SMYD3: variants seen among roughly 807,000 people sequenced by gnomAD.
The protein encoded by SMYD3 is histone-lysine N-methyltransferase SMYD3.
A neutral mutation model predicts 57.7 loss-of-function variants in SMYD3; 36 were observed. That is an observed-to-expected ratio of 0.62 (90% CI 0.48 to 0.82). SMYD3 has a LOEUF of 0.82. Among genes scored for constraint, SMYD3 ranks in the 40% least tolerant of loss-of-function variants. SMYD3 has a pLI of 0.00. For synonymous variants in SMYD3, 211 were observed against 195.0 expected (o/e 1.08, Z -0.68); for missense variants, 515 against 538.8 (o/e 0.96, Z 0.44).
chr1:246,479,205 C>T (rs2068071581), intron 1 of SMYD3, among the ~76,000 whole-genome samples: 1 of 152,308 alleles, frequency 6.6e-6, no homozygotes, highest in South Asian at 2.1e-4. Flanking sequence ...ATAGTTACAC[C>T]TGTCCTCTGT....
At chr1:245,786,547 C>T (rs2047056320) in intron 10 of SMYD3, among the ~76,000 whole-genome samples, 1 of 152,048 alleles carries the variant, frequency 6.6e-6, no homozygotes, top group African/African-American at 2.4e-5. Flanking sequence ...CTGAACCTCA[C>T]CTAACAGTCA....
intron 5 of SMYD3, among the ~76,000 whole-genome samples, chr1:246,069,960 C>A (rs1022538626): frequency 2.6e-5 from 4 of 152,134 alleles, no homozygotes; most frequent in Non-Finnish European, 5.9e-5. Flanking sequence ...TCAATTGCCC[C>A]CTTCCCTCTC....
At chr1:246,010,744 T>A (rs952559588) in intron 5 of SMYD3, among the ~76,000 whole-genome samples, 8 of 152,258 alleles carry the variant, frequency 5.3e-5, no homozygotes, top group African/African-American at 1.9e-4. Flanking sequence ...TTGTTCCATA[T>A]GTAGCTGTTA....
intron 5 of SMYD3, among the ~76,000 whole-genome samples, chr1:246,199,091 A>G (rs1379009747): frequency 2.6e-5 from 4 of 151,770 alleles, no homozygotes; most frequent in Admixed American, 6.6e-5. Flanking sequence ...CCTAGTACCC[A>G]ATGGGTAGTT....
At chr1:246,130,759 G>T (rs1470930307) in intron 5 of SMYD3, among the ~76,000 whole-genome samples, 1 of 152,084 alleles carries the variant, frequency 6.6e-6, no homozygotes, top group Non-Finnish European at 1.5e-5. Flanking sequence ...TATTGCACTG[G>T]CTTGAGAGTT....
intron 5 of SMYD3, among the ~76,000 whole-genome samples, chr1:246,293,014 G>T (rs969779137): frequency 6.6e-6 from 1 of 151,982 alleles, no homozygotes; most frequent in Admixed American, 6.6e-5. Flanking sequence ...TATTTGGTGG[G>T]TAAATGTATC....
At chr1:246,462,552 A>T (rs1290268976) in intron 1 of SMYD3, among the ~76,000 whole-genome samples, 1 of 152,118 alleles carries the variant, frequency 6.6e-6, no homozygotes, top group Non-Finnish European at 1.5e-5. Context: ...AGATCACCCC[A>T]TCTCTGGGCG....
At chr1:245,971,227 C>G (rs1450246788) in intron 5 of SMYD3, among the ~76,000 whole-genome samples, 1 of 152,186 alleles carries the variant, frequency 6.6e-6, no homozygotes, top group South Asian at 2.1e-4. Flanking sequence ...TGTTCTCACT[C>G]TTAAGTGGGA....
chr1:246,101,440 C>A (rs955487858), intron 5 of SMYD3, among the ~76,000 whole-genome samples: 5 of 152,148 alleles, frequency 3.3e-5, no homozygotes, highest in African/African-American at 1.2e-4. Context: ...CAATCTCTGC[C>A]AATCCCCATC....
intron 10 of SMYD3, among the ~76,000 whole-genome samples, chr1:245,822,721 C>A (rs1002849760): frequency 2.0e-5 from 3 of 152,174 alleles, no homozygotes; most frequent in Admixed American, 6.5e-5. Context: ...TCCCACCAAC[C>A]TCTCATCCAG....
chr1:246,089,346 TA>T (rs1297213908), intron 5 of SMYD3, among the ~76,000 whole-genome samples: 1 of 152,178 alleles, frequency 6.6e-6, no homozygotes. Context: ...CTTTCTCCTA[TA>T]ACCAAAACAT....
intron 11 of SMYD3, among the ~76,000 whole-genome samples, chr1:245,751,268 G>A (rs904627749): frequency 6.6e-6 from 1 of 152,170 alleles, no homozygotes; most frequent in African/African-American, 2.4e-5. Context: ...GAATTCTTGA[G>A]CATGAACATC....
intron 1 of SMYD3, among the ~76,000 whole-genome samples, chr1:246,482,717 G>A (rs1348135917): frequency 6.6e-6 from 1 of 152,082 alleles, no homozygotes; most frequent in Non-Finnish European, 1.5e-5. Flanking sequence ...TAAAACTAAG[G>A]TAACAAGTTC....
intron 5 of SMYD3, among the ~76,000 whole-genome samples, chr1:245,931,704 A>G (rs2056731522): frequency 6.6e-6 from 1 of 152,186 alleles, no homozygotes; most frequent in Non-Finnish European, 1.5e-5. Context: ...GACTTGTTAT[A>G]AAGTTTCTGT....
chr1:245,945,476 T>C (rs2057401517), intron 5 of SMYD3, among the ~76,000 whole-genome samples: 1 of 152,196 alleles, frequency 6.6e-6, no homozygotes, highest in Non-Finnish European at 1.5e-5. Flanking sequence ...CAACAGATGC[T>C]GGCAAGGCTG....
intron 1 of SMYD3, among the ~76,000 whole-genome samples, chr1:246,481,808 G>T (rs559086198): frequency 6.7e-6 from 1 of 149,624 alleles, no homozygotes; most frequent in African/African-American, 2.5e-5. Flanking sequence ...TCGATCGATC[G>T]ATCAATACTC....
chr1:246,252,894 A>G (rs1780824), intron 5 of SMYD3, among the ~76,000 whole-genome samples: 40,563 of 152,068 alleles, frequency 0.27, 6,105 homozygotes, highest in East Asian at 0.58. Flanking sequence ...AAGTCATCAA[A>G]CAGATAATAT....
At chr1:245,909,591 T>C (rs1294199731) in intron 8 of SMYD3, among the ~76,000 whole-genome samples, 1 of 151,658 alleles carries the variant, frequency 6.6e-6, no homozygotes, top group Non-Finnish European at 1.5e-5. Context: ...CAAACCAAAT[T>C]CAACATTAAA....
chr1:246,442,259 A>G (rs1474819464), intron 1 of SMYD3, among the ~76,000 whole-genome samples: 4 of 152,234 alleles, frequency 2.6e-5, no homozygotes, highest in East Asian at 3.9e-4. Context: ...AAAAGTCTTC[A>G]CTAAAAGACT....
Sources: gnomAD v4.1 joint callset for allele counts (sites outside exome capture counted in the v4.1 genomes callset) on GRCh38, gnomAD v4.1.1 for gene constraint, MANE v1.5 for transcripts, NCBI Gene and HGNC (gene_info 2026-07-23, HGNC 2026-07-21) for gene names.